GPATCH2: variants seen among roughly 807,000 people sequenced by gnomAD.
GPATCH2 encodes G-patch domain containing 2.
Under a neutral mutation model 58.0 loss-of-function variants are expected in GPATCH2, and 51 were observed. The observed-to-expected ratio is 0.88, with a 90% CI of 0.70 to 1.11. The LOEUF (loss-of-function observed/expected upper bound fraction) is 1.11. Among genes scored for constraint, GPATCH2 ranks in the 50% most tolerant of loss-of-function variants. GPATCH2 has a pLI of 0.00. For missense variants in GPATCH2, 625 were observed against 652.2 expected, an observed-to-expected ratio of 0.96 and a Z score of 0.45; for synonymous variants, 222 against 218.5, an observed-to-expected ratio of 1.02 and a Z score of -0.14.
Position 217,610,150 on chromosome 1 carries a change from A to C in GPATCH2, c.1098+171T>G, listed in dbSNP as rs1384328989. The C allele has an allele frequency of 1.9e-6, 3 of 1,559,942 alleles. No homozygotes were observed. The South Asian group carries it at 3.5e-5, about 18-fold the overall frequency. On this transcript the variant is annotated intron_variant, in intron 5 of 9. Transcript: ENST00000366935. ...AACGTAACTAATTTATTAGCATTAG[A>C]AGATTTGGTTTATAGGGGAATCTCA...
chr1:217,462,888 A>T (rs1660259937), intron 8 of GPATCH2, among the ~76,000 whole-genome samples: 1 of 152,208 alleles, frequency 6.6e-6, no homozygotes, highest in African/African-American at 2.4e-5. Flanking sequence ...AACTTGGGTG[A>T]ACCTGGGCAA....
chr1:217,523,116 G>A (rs1663555898), intron 5 of GPATCH2, among the ~76,000 whole-genome samples: 1 of 151,642 alleles, frequency 6.6e-6, no homozygotes, highest in Non-Finnish European at 1.5e-5. Context: ...AACCTTGCTT[G>A]TATTAGGAAA....
intron 5 of GPATCH2, among the ~76,000 whole-genome samples, chr1:217,572,000 A>AAAGAAG (rs1666583220): frequency 7.4e-6 from 1 of 135,134 alleles, no homozygotes; most frequent in Non-Finnish European, 1.6e-5. Context: ...AAGGAAGGAA[A>AAAGAAG]GAAGGAAGGA....
At chr1:217,532,989 C>T (rs1398340396) in intron 5 of GPATCH2, among the ~76,000 whole-genome samples, 1 of 150,020 alleles carries the variant, frequency 6.7e-6, no homozygotes, top group East Asian at 2.0e-4. Context: ...GCCTTGACCT[C>T]CCAGGTTCAA....
chr1:217,473,883 A>G (rs1660850967), intron 8 of GPATCH2, among the ~76,000 whole-genome samples: 1 of 152,228 alleles, frequency 6.6e-6, no homozygotes, highest in African/African-American at 2.4e-5. Context: ...CCCTCAGGAA[A>G]TAAAAATGAA....
chr1:217,432,200 G>C (rs1176368657), intron 9 of GPATCH2, among the ~76,000 whole-genome samples: 1 of 151,690 alleles, frequency 6.6e-6, no homozygotes, highest in African/African-American at 2.4e-5. Context: ...TTTGAAAAAG[G>C]AGATTGGTTA....
At chr1:217,625,888 G>A (rs1669426223) in intron 1 of GPATCH2, among the ~76,000 whole-genome samples, 1 of 152,070 alleles carries the variant, frequency 6.6e-6, no homozygotes, top group South Asian at 2.1e-4. Flanking sequence ...GGAGGCTGAG[G>A]CAGGAGAATT....
intron 9 of GPATCH2, among the ~76,000 whole-genome samples, chr1:217,438,133 C>T (rs1290275535): frequency 6.6e-6 from 1 of 152,160 alleles, no homozygotes; most frequent in Non-Finnish European, 1.5e-5. Flanking sequence ...AGGAGACCTG[C>T]AGCAGAGGGA....
intron 5 of GPATCH2, among the ~76,000 whole-genome samples, chr1:217,569,560 T>TG (rs1666434354): frequency 6.6e-6 from 1 of 151,972 alleles, no homozygotes; most frequent in Non-Finnish European, 1.5e-5. Context: ...CTAGGTGTGG[T>TG]GGCATGCACC....
chr1:217,453,679 C>A (rs1031840577), intron 8 of GPATCH2, among the ~76,000 whole-genome samples: 1 of 152,188 alleles, frequency 6.6e-6, no homozygotes, highest in African/African-American at 2.4e-5. Flanking sequence ...ACCCAATAAA[C>A]TCAAAACAAA....
intron 9 of GPATCH2, among the ~76,000 whole-genome samples, chr1:217,445,694 T>C (rs1270947109): frequency 3.3e-5 from 5 of 152,066 alleles, no homozygotes; most frequent in African/African-American, 9.7e-5. Flanking sequence ...CCTTTGTCAA[T>C]ACAAAATACA....
At chr1:217,558,732 TG>T (rs1328015887) in intron 5 of GPATCH2, among the ~76,000 whole-genome samples, 1 of 152,102 alleles carries the variant, frequency 6.6e-6, no homozygotes, top group African/African-American at 2.4e-5. Context: ...GAGGAGCACT[TG>T]AGGCCAGGAG....
Position 217,617,507 on chromosome 1 carries a change from T to C in GPATCH2, c.773+2276A>G, listed in dbSNP as rs143062695. Among the ~76,000 whole-genome samples, 13 of 152,244 alleles carry C rather than the reference T, an allele frequency of 8.5e-5. No individual in the cohort carries two copies. In the East Asian group the frequency reaches 2.3e-3, roughly 27 times the overall value. On this transcript the variant is annotated intron_variant, in intron 2 of 9. Coordinates refer to ENST00000366935, the MANE Select transcript of GPATCH2 (RefSeq NM_018040.5). ...CCACCAGTGAAGAGTAAATTGTAGT[T>C]AATCATCAATGTTTGTTAAATCTGA...
intron 5 of GPATCH2, chr1:217,609,170 G>A: frequency 2.1e-6 from 2 of 974,542 alleles, no homozygotes; most frequent in Non-Finnish European, 2.4e-6. Flanking sequence ...ACTTATTATA[G>A]TGTCTAAATT....
chr1:217,550,743 C>A (rs1665317861), intron 5 of GPATCH2, among the ~76,000 whole-genome samples: 1 of 151,760 alleles, frequency 6.6e-6, no homozygotes, highest in Non-Finnish European at 1.5e-5. Context: ...ATTTTAAAAT[C>A]ATTTTTAACT....
intron 5 of GPATCH2, among the ~76,000 whole-genome samples, chr1:217,552,976 G>C (rs997694308): frequency 1.3e-5 from 2 of 151,806 alleles, no homozygotes; most frequent in African/African-American, 4.8e-5. Context: ...TATAATTATT[G>C]GTTTATCTAA....
intron 5 of GPATCH2, among the ~76,000 whole-genome samples, chr1:217,600,143 C>G (rs1296834311): frequency 2.0e-5 from 3 of 152,126 alleles, no homozygotes; most frequent in African/African-American, 7.2e-5. Flanking sequence ...AGATTAATGG[C>G]ACAAGTCATT....
intron 1 of GPATCH2, among the ~76,000 whole-genome samples, chr1:217,629,396 C>A (rs1407365114): frequency 6.6e-6 from 1 of 152,002 alleles, no homozygotes; most frequent in Non-Finnish European, 1.5e-5. Flanking sequence ...GACAAGCGAG[C>A]CTTTAAAGAG....
In GPATCH2 at chr1:217,487,727, A is replaced by T. The variant is rs566776917; in HGVS notation, c.1277+3953T>A. On this transcript the variant is annotated intron_variant, in intron 8 of 9. Coordinates refer to ENST00000366935, the MANE Select transcript of GPATCH2 (RefSeq NM_018040.5). The stretch of plus-strand genomic sequence containing the variant: ...GGCATGAGCCACTGCACCCGGCCAG[A>T]AGTGCACTTTTTCACTGTAACCTAT... Among the ~76,000 whole-genome samples the T allele has an allele frequency of 2.5e-4, 37 of 149,608 alleles. No homozygotes were observed. In the East Asian group the frequency reaches 7.0e-3, roughly 28 times the overall value.
Sources: allele counts gnomAD v4.1 joint callset (sites outside exome capture counted in the v4.1 genomes callset), GRCh38; gene constraint gnomAD v4.1.1; transcripts MANE v1.5; gene names NCBI Gene and HGNC (gene_info 2026-07-23, HGNC 2026-07-21).